Variants in MTM1 observed in about 807,000 individuals in gnomAD.
MTM1 encodes myotubularin 1.
A neutral mutation model predicts 52.1 loss-of-function variants in MTM1; 9 were observed. The observed-to-expected ratio is 0.17, with a 90% CI of 0.10 to 0.30. The LOEUF is 0.30. MTM1 is among the 10% of genes least tolerant of loss of function. The probability of loss-of-function intolerance (pLI) is 1.00; values close to 1 mark genes in which losing one functional copy is unlikely to be tolerated. For missense variants in MTM1, 277 were observed against 470.7 expected (o/e 0.59, Z 3.81); for synonymous variants, 136 against 163.8 (o/e 0.83, Z 1.29).
chrX:150,669,963 A>AT (rs1376286160), intron 14 of MTM1, among the ~76,000 whole-genome samples: 1 of 111,772 alleles, frequency 8.9e-6, no homozygotes, highest in African/African-American at 3.3e-5. Flanking sequence ...TATGTCCTGA[A>AT]TGGTATTGCC....
At chrX:150,649,670 A>C in intron 9 of MTM1, 46 bp from the exon 10 acceptor site, 1 of 1,100,786 alleles carries the variant, frequency 9.1e-7, no homozygotes. Flanking sequence ...GTTTCTGATG[A>C]AATAGAAAAC....
At chrX:150,608,804 GGATGAT>G (rs782040362) in intron 4 of MTM1, among the ~76,000 whole-genome samples, 7 of 108,799 alleles carry the variant, frequency 6.4e-5, no homozygotes, top group African/African-American at 1.7e-4. Context: ...GCCTTCCCCA[GGATGAT>G]GATGATGATG....
intron 1 of MTM1, among the ~76,000 whole-genome samples, chrX:150,586,729 C>T (rs988841579): frequency 9.1e-6 from 1 of 110,161 alleles, no homozygotes; most frequent in African/African-American, 3.3e-5. Context: ...GCCTGGCCAA[C>T]GTGGCGAAAT....
the MTM1 span, among the ~76,000 whole-genome samples, chrX:150,563,172 C>T: frequency 9.1e-6 from 1 of 110,274 alleles, no homozygotes; most frequent in African/African-American, 3.3e-5. Context: ...ACTCTCTCCC[C>T]TTCAAGACCC....
At chrX:150,628,162 G>A (rs2283747) in intron 6 of MTM1, among the ~76,000 whole-genome samples, 5,947 of 111,287 alleles carry the variant, frequency 0.053, 133 homozygotes, top group African/African-American at 0.081. Flanking sequence ...ACCAGTTCTG[G>A]AAGTGGCCTG....
intron 1 of MTM1, among the ~76,000 whole-genome samples, chrX:150,582,001 T>A (rs1302309522): frequency 8.9e-6 from 1 of 112,287 alleles, no homozygotes; most frequent in Non-Finnish European, 1.9e-5. Context: ...CCTCTGTTAT[T>A]GTCTTTATTA....
rs782111106 is a variant in MTM1 at position 150,667,294 on chromosome X, C to T, written c.1644+3685C>T. Among the ~76,000 whole-genome samples the T allele has an allele frequency of 7.2e-5, 8 of 111,583 alleles. No homozygotes were observed. In the South Asian group the frequency reaches 3.0e-3, roughly 42 times the overall value. On this transcript the variant is annotated intron_variant, in intron 14 of 14. Transcript: ENST00000370396. Reference sequence around the variant, plus strand: ...TTCAGGCACTCAGGTATCCACTTGACGCCCTCCTTCATCTCCCTTAAGTCT... The same window carrying T: ...TTCAGGCACTCAGGTATCCACTTGATGCCCTCCTTCATCTCCCTTAAGTCT...
chrX:150,640,072 T>C (rs1279653679), intron 7 of MTM1, among the ~76,000 whole-genome samples: 4 of 111,824 alleles, frequency 3.6e-5, no homozygotes, highest in African/African-American at 1.3e-4. Context: ...TTGAGTTTTC[T>C]AAGGCTTTGC....
At chrX:150,661,406 C>T (rs974925475) in intron 13 of MTM1, among the ~76,000 whole-genome samples, 16 of 111,505 alleles carry the variant, frequency 1.4e-4, no homozygotes, top group Admixed American at 1.1e-3. Flanking sequence ...AAAAATATAG[C>T]TACCATACGA....
intron 6 of MTM1, among the ~76,000 whole-genome samples, chrX:150,633,256 G>A (rs186550572): frequency 2.7e-5 from 3 of 112,247 alleles, no homozygotes; most frequent in Admixed American, 9.4e-5. Context: ...TCCCCCAGAG[G>A]TACTGATTTA....
chrX:150,630,098 C>T (rs1453553948), intron 6 of MTM1, among the ~76,000 whole-genome samples: 2 of 111,698 alleles, frequency 1.8e-5, no homozygotes, highest in African/African-American at 6.5e-5. Flanking sequence ...AGACATTCTT[C>T]TTCTTATTTT....
chrX:150,644,223 A>T (rs984437716), intron 8 of MTM1, among the ~76,000 whole-genome samples: 5 of 111,666 alleles, frequency 4.5e-5, no homozygotes, highest in African/African-American at 1.6e-4. Flanking sequence ...TTGCTCCTTT[A>T]AAGTGGTCTC....
At chrX:150,614,048 A>G (rs1191441537) in intron 4 of MTM1, among the ~76,000 whole-genome samples, 2 of 112,330 alleles carry the variant, frequency 1.8e-5, no homozygotes, top group Admixed American at 9.4e-5. Flanking sequence ...ATCAAGTGCT[A>G]TGGAACTTCT....
chrX:150,672,958 A>G lies in MTM1; in HGVS notation c.*1363A>G, dbSNP rs782124531. Reference sequence around the variant, plus strand: ...ATGTATGAATTTTGTAAGTATAAGAAATTTTATTAGACATTCTCTTACTTT... The same window carrying G: ...ATGTATGAATTTTGTAAGTATAAGAGATTTTATTAGACATTCTCTTACTTT... On this transcript the variant is annotated 3_prime_UTR_variant, in exon 15 of 15. Transcript: ENST00000370396. The G allele has an allele frequency of 2.7e-5, 3 of 112,597 alleles. No individual in the cohort carries two copies. The highest frequency in any genetic ancestry group is 5.6e-5 in the Non-Finnish European group (3 of 53,357). 9.3% of individuals were successfully genotyped at this position (112,597 alleles called of 1,213,427 possible).
intron 6 of MTM1, among the ~76,000 whole-genome samples, chrX:150,628,567 A>G (rs2039609818): frequency 9.0e-6 from 1 of 110,957 alleles, no homozygotes; most frequent in South Asian, 3.8e-4. Flanking sequence ...GCTGTTATAG[A>G]ACTTCAAGCA....
At chrX:150,608,440 A>G (rs2039209410) in intron 4 of MTM1, among the ~76,000 whole-genome samples, 1 of 111,578 alleles carries the variant, frequency 9.0e-6, no homozygotes, top group Non-Finnish European at 1.9e-5. Context: ...GCTGGTCTCA[A>G]ACTCCTTGGC....
chrX:150,608,000 A>G (rs1166251539), intron 4 of MTM1, among the ~76,000 whole-genome samples: 2 of 111,115 alleles, frequency 1.8e-5, no homozygotes, highest in African/African-American at 6.6e-5. Context: ...TGAAGAATAC[A>G]TATAAGTTCC....
At chrX:150,576,769 C>T (rs933871769) in intron 1 of MTM1, among the ~76,000 whole-genome samples, 1 of 111,950 alleles carries the variant, frequency 8.9e-6, no homozygotes, top group African/African-American at 3.2e-5. Flanking sequence ...ACTATTCAGC[C>T]TCTTGCCCTT....
chrX:150,594,552 C>T lies in MTM1; in HGVS notation c.63+1875C>T, dbSNP rs141571376. 2.5e-3 allele frequency among the ~76,000 whole-genome samples: 276 copies of T among 112,052 alleles called. 1 individual carries two copies. The highest frequency in any genetic ancestry group is 0.019 in the Middle Eastern group (4 of 216). On this transcript the variant is annotated intron_variant, in intron 2 of 14. Transcript: ENST00000370396. ...TTTTTATGTGATCACATATATCAAT[C>T]TATATTTTCTGTTTTGGGTGCCTAC...
Sources: allele counts gnomAD v4.1 joint callset (sites outside exome capture counted in the v4.1 genomes callset), GRCh38; gene constraint gnomAD v4.1.1; transcripts MANE v1.5; gene names NCBI Gene and HGNC (gene_info 2026-07-23, HGNC 2026-07-21).